The following ERVFRD-1 variants were observed in gnomAD, a reference collection of about 807,000 sequenced individuals.
The protein encoded by ERVFRD-1 is endogenous retrovirus group FRD member 1, envelope, also known as syncytin-2.
A neutral mutation model predicts 43.8 loss-of-function variants in ERVFRD-1; 33 were observed. The observed-to-expected ratio is 0.75, with a 90% CI of 0.57 to 1.01. ERVFRD-1 has a LOEUF of 1.01. Ranked by LOEUF, ERVFRD-1 falls within the 50% of genes least tolerant of loss-of-function variation. ERVFRD-1 has a pLI of 0.00. For missense variants in ERVFRD-1, 568 were observed against 658.4 expected (o/e 0.86, Z 1.50); for synonymous variants, 239 against 244.4 (o/e 0.98, Z 0.21).
In ERVFRD-1 at chr6:11,104,106, A is replaced by G. The variant is rs1174223134; in HGVS notation, c.1205T>C (p.Met402Thr). Reference sequence around the variant, plus strand: ...TGCTAAAGAGTCGATTTGTTCTTGCATGGTCGTTAAGGCTTTAGCCATGGT... The same window carrying G: ...TGCTAAAGAGTCGATTTGTTCTTGCGTGGTCGTTAAGGCTTTAGCCATGGT... ...IDTMAKALTTMQEQIDSLAAV... is the reference protein window; with the variant it reads ...IDTMAKALTTTQEQIDSLAAV... Residue 402 changes from methionine (M) to threonine (T), a missense_variant, in exon 2 of 2, where the codon ATG (methionine) becomes ACG (threonine). Physicochemically the swap from Met to Thr is moderately conservative, Grantham distance 81. Transcript: ENST00000472091. The G allele has an allele frequency of 4.5e-6, 7 of 1,551,654 alleles. No individual in the cohort carries two copies. Among genetic ancestry groups the G allele is most frequent in the Non-Finnish European group, 5.2e-6 (6 of 1,146,980 alleles).
intron 1 of ERVFRD-1, 50 bp downstream of exon 1, chr6:11,111,627 G>A (rs2113651337): frequency 6.6e-6 from 1 of 152,382 alleles, no homozygotes; most frequent in Middle Eastern, 3.4e-3. Flanking sequence ...AACCACGTAC[G>A]AGGGTTGAAC....
At chr6:11,109,740 A>T (rs998504361) in intron 1 of ERVFRD-1, among the ~76,000 whole-genome samples, 2 of 152,168 alleles carry the variant, frequency 1.3e-5, no homozygotes, top group Non-Finnish European at 2.9e-5. Flanking sequence ...ACAGAAAAAT[A>T]TTAGCCTTTT....
chr6:11,103,058 A>G lies in ERVFRD-1; in HGVS notation c.*636T>C, dbSNP rs1758019240. ...TCTTTGGGGCGGGCTGTCTGCATGC[A>G]CAGTGGCCTGCCAGCACTTGGGAGG... On this transcript the variant is annotated 3_prime_UTR_variant, in exon 2 of 2. Coordinates refer to ENST00000472091, the MANE Select transcript of ERVFRD-1 (RefSeq NM_207582.3). The G allele has an allele frequency of 6.6e-6, 1 of 152,196 alleles. No homozygotes were observed. The highest frequency in any genetic ancestry group is 6.6e-5 in the Admixed American group (1 of 15,262). 9.4% of individuals were successfully genotyped at this position (152,196 alleles called of 1,614,324 possible). A position where few individuals can be genotyped will look rare whatever the true frequency, so the allele number is the denominator to read the frequency against.
chr6:11,108,210 G>A (rs927715725), intron 1 of ERVFRD-1, among the ~76,000 whole-genome samples: 2 of 152,290 alleles, frequency 1.3e-5, no homozygotes, highest in South Asian at 2.1e-4. Context: ...TCCAGGTTAC[G>A]GGCACTTCAT....
At chr6:11,108,690 C>A (rs1402883037) in intron 1 of ERVFRD-1, among the ~76,000 whole-genome samples, 1 of 152,216 alleles carries the variant, frequency 6.6e-6, no homozygotes, top group African/African-American at 2.4e-5. Flanking sequence ...CTTTCCTACT[C>A]CTCCTGGTTT....
In ERVFRD-1 at chr6:11,103,964, T is replaced by G. The variant is rs753693375; in HGVS notation, c.1347A>C (p.Gln449His). Residue 449 changes from glutamine to histidine, a missense_variant, in exon 2 of 2, where the codon CAA becomes CAC. By Grantham distance (24) the Gln-to-His change is conservative (BLOSUM62 0). Coordinates refer to ENST00000472091, the MANE Select transcript of ERVFRD-1 (RefSeq NM_207582.3). ...CFWVNQSGKV[Q>H]DNIRQLLNQA... Reference sequence around the variant, plus strand: ...GATTTAGGAGTTGTCTGATGTTGTCTTGTACTTTTCCTGATTGATTTACCC... The same window carrying G: ...GATTTAGGAGTTGTCTGATGTTGTCGTGTACTTTTCCTGATTGATTTACCC... 5.2e-5 allele frequency: 81 copies of G among 1,551,608 alleles called. No individual in the cohort carries two copies. Among genetic ancestry groups the G allele is most frequent in the Non-Finnish European group, 7.0e-5 (80 of 1,147,008 alleles).
chr6:11,106,329 C>T (rs964446637), intron 1 of ERVFRD-1, among the ~76,000 whole-genome samples: 5 of 152,200 alleles, frequency 3.3e-5, no homozygotes, highest in East Asian at 1.9e-4. Context: ...GCCAGTCCTC[C>T]GCAGGGTATG....
At position 11,103,569 on chromosome 6, in the gene ERVFRD-1, T is replaced by C. The variant is rs1189781864; in HGVS notation, c.*125A>G. 10 of 1,395,420 alleles carry C rather than the reference T, an allele frequency of 7.2e-6. No individual in the cohort carries two copies. In the East Asian group the frequency reaches 2.3e-4, roughly 32 times the overall value. 86.4% of individuals were successfully genotyped at this position (1,395,420 alleles called of 1,614,324 possible). A position where few individuals can be genotyped will look rare whatever the true frequency, so the allele number is the denominator to read the frequency against. On this transcript the variant is annotated 3_prime_UTR_variant, in exon 2 of 2. Transcript: ENST00000472091. ...TGGTTGTTCTGTGGGTCTTGGCCTCTTGCTAGCTGTCAGGGCAGGATGGCT... is the reference window on the plus strand; with the variant it reads ...TGGTTGTTCTGTGGGTCTTGGCCTCCTGCTAGCTGTCAGGGCAGGATGGCT...
chr6:11,106,296 A>AG (rs1489281708), intron 1 of ERVFRD-1, among the ~76,000 whole-genome samples: 5 of 152,210 alleles, frequency 3.3e-5, no homozygotes, highest in Admixed American at 2.6e-4. Flanking sequence ...TGTGGTATGC[A>AG]GGGAGCTGAG....
Position 11,105,148 on chromosome 6 carries a change from C to T in ERVFRD-1, c.163G>A (p.Gly55Arg). The T allele has an allele frequency of 6.2e-7, 1 of 1,614,210 alleles. No individual in the cohort carries two copies. The highest frequency in any genetic ancestry group is 2.2e-5 in the East Asian group (1 of 44,886). The change falls in exon 2 of 2, where the codon GGG (glycine) becomes AGG (arginine). Residue 55 changes from glycine to arginine, a missense_variant. Gly to Arg is a moderately radical substitution (Grantham distance 125, BLOSUM62 -2). Transcript: ENST00000472091. ...CTGGGCGAGGCTGGATAAGCTGTCC[C>T]TGGTGTTTCAGTGGAAGAGCTAGTA... ...LCTSSSTETPGTAYPASPREW... is the reference protein window; with the variant it reads ...LCTSSSTETPRTAYPASPREW...
Position 11,104,556 on chromosome 6 carries a change from G to A in ERVFRD-1, c.755C>T (p.Pro252Leu), listed in dbSNP as rs1440658388. The part of the protein sequence containing the change: ...KTKGANQSQT[P>L]CVQVLAGMTI... ...CATGCCTGCTAAGACTTGGACGCAG[G>A]GTGTTTGGCTCTGGTTAGCTCCCTT... Residue 252 changes from proline (P) to leucine (L), a missense_variant, in exon 2 of 2, where the codon CCC becomes CTC. Transcript: ENST00000472091. The A allele has an allele frequency of 4.4e-6, 7 of 1,601,122 alleles. No homozygotes were observed.
At chr6:11,109,186 T>G (rs1393702058) in intron 1 of ERVFRD-1, among the ~76,000 whole-genome samples, 1 of 152,264 alleles carries the variant, frequency 6.6e-6, no homozygotes, top group Admixed American at 6.5e-5. Context: ...TGCCCTAGTA[T>G]GACTGAGAGG....
rs1323467267 is a variant in ERVFRD-1, at chr6:11,102,712, G to A, written c.*982C>T. The A allele has an allele frequency of 6.6e-6, 1 of 152,184 alleles. No homozygotes were observed. The highest frequency in any genetic ancestry group is 1.9e-4 in the East Asian group (1 of 5,198). 9.4% of individuals were successfully genotyped at this position (152,184 alleles called of 1,614,324 possible). ...CTTGTTTGGCTGTTTACACTGAGTCGGGTGTTAGTTTGCTTGGTGCTGGAA... is the reference window on the plus strand; with the variant it reads ...CTTGTTTGGCTGTTTACACTGAGTCAGGTGTTAGTTTGCTTGGTGCTGGAA... On this transcript the variant is annotated 3_prime_UTR_variant, in exon 2 of 2. Transcript: ENST00000472091.
Position 11,103,795 on chromosome 6 carries a change from G to C in ERVFRD-1, c.1516C>G (p.Leu506Val). Reference sequence around the variant, plus strand: ...CGAGAGGAGACAAATTGGGTTATTAGATTTAGGAGACATGGACCAAAAAGG... The same window carrying C: ...CGAGAGGAGACAAATTGGGTTATTACATTTAGGAGACATGGACCAAAAAGG... The part of the protein sequence containing the change: ...LLLFGPCLLN[L>V]ITQFVSSRLQ... Residue 506 changes from leucine (L) to valine (V), a missense_variant, in exon 2 of 2, where the codon CTA becomes GTA. By Grantham distance (32) the Leu-to-Val change is conservative. Transcript: ENST00000472091. 6.4e-7 allele frequency: 1 copy of C among 1,551,650 alleles called. No homozygotes were observed. Among genetic ancestry groups the C allele is most frequent in the Non-Finnish European group, 8.7e-7 (1 of 1,146,980 alleles).
chr6:11,102,520 G>C lies in ERVFRD-1; in HGVS notation c.*1174C>G, dbSNP rs1561751729. On this transcript the variant is annotated 3_prime_UTR_variant, in exon 2 of 2. Coordinates refer to ENST00000472091, the MANE Select transcript of ERVFRD-1 (RefSeq NM_207582.3). ...TTTTAGAGAGTTTATTTGAGCAAGG[G>C]TGATTCATGAACAGGCAGGGCCAAA... 1 of 152,200 alleles carries C rather than the reference G, an allele frequency of 6.6e-6. No homozygotes were observed. The highest frequency in any genetic ancestry group is 1.5e-5 in the Non-Finnish European group (1 of 68,048). The allele number at this position is 152,200 out of a possible 1,614,324, so 9.4% of individuals were successfully genotyped here.
rs186140706 is a variant in ERVFRD-1, at chr6:11,105,526, A to G, written c.-216T>C. 81 of 525,582 alleles carry G rather than the reference A, an allele frequency of 1.5e-4. No individual in the cohort carries two copies. Among genetic ancestry groups the G allele is most frequent in the Non-Finnish European group, 2.4e-4 (70 of 285,732 alleles). 32.6% of individuals were successfully genotyped at this position (525,582 alleles called of 1,614,324 possible). A position where few individuals can be genotyped will look rare whatever the true frequency, so the allele number is the denominator to read the frequency against. ...AGATCTTCCAGTGCCTTGCAAGTGT[A>G]TTCCGGAGCTGAGGTTGCTGGTTCT... On this transcript the variant is annotated 5_prime_UTR_variant, in exon 2 of 2. Coordinates refer to ENST00000472091, the MANE Select transcript of ERVFRD-1 (RefSeq NM_207582.3).
Position 11,105,473 on chromosome 6 carries a change from C to A in ERVFRD-1, c.-163G>T. The A allele has an allele frequency of 1.7e-6, 1 of 605,052 alleles. No individual in the cohort carries two copies. The allele number at this position is 605,052 out of a possible 1,614,324, so 37.5% of individuals were successfully genotyped here. ...GTGAAAGGATGTTGGTGGGGCATTA[C>A]TTATCTTTTTGTTTAAAGAGGAATT... On this transcript the variant is annotated 5_prime_UTR_variant, in exon 2 of 2. Coordinates refer to ENST00000472091, the MANE Select transcript of ERVFRD-1 (RefSeq NM_207582.3).
chr6:11,106,086 C>T (rs891590036), intron 1 of ERVFRD-1, among the ~76,000 whole-genome samples: 2 of 152,138 alleles, frequency 1.3e-5, no homozygotes, highest in African/African-American at 4.8e-5. Flanking sequence ...GCTTTATGTC[C>T]AGGGCACTAC....
Position 11,103,668 on chromosome 6 carries a change from A to G in ERVFRD-1, c.*26T>C, listed in dbSNP as rs556343998. On this transcript the variant is annotated 3_prime_UTR_variant, in exon 2 of 2. Transcript: ENST00000472091. ...CAGGATTTCGCCTCTGTCGTGTTCCACTAGCGAGCAGTCTAGGGGTCCTCC... is the reference window on the plus strand; with the variant it reads ...CAGGATTTCGCCTCTGTCGTGTTCCGCTAGCGAGCAGTCTAGGGGTCCTCC... 4.6e-6 allele frequency: 7 copies of G among 1,519,516 alleles called. No homozygotes were observed. In the African/African-American group the frequency reaches 9.8e-5, roughly 21 times the overall value. 94.1% of individuals were successfully genotyped at this position (1,519,516 alleles called of 1,614,324 possible).
Sources: gnomAD v4.1 joint callset for allele counts (sites outside exome capture counted in the v4.1 genomes callset) on GRCh38, gnomAD v4.1.1 for gene constraint, MANE v1.5 for transcripts, NCBI Gene and HGNC (gene_info 2026-07-23, HGNC 2026-07-21) for gene names.